Variants in SLC35E2B observed in about 807,000 individuals in gnomAD.
The protein encoded by SLC35E2B is solute carrier family 35, member E2B.
A neutral mutation model predicts 32.4 loss-of-function variants in SLC35E2B; 18 were observed. The ratio of observed to expected loss-of-function variants is 0.56; its 90% CI spans 0.38 to 0.82. SLC35E2B has a LOEUF of 0.82. Ranked by LOEUF, SLC35E2B falls within the 40% of genes least tolerant of loss-of-function variation. The pLI is 0.00. For missense variants in SLC35E2B, 263 were observed against 469.5 expected (o/e 0.56, Z 4.06); for synonymous variants, 132 against 209.1 (o/e 0.63, Z 3.18).
At chr1:1,679,404 G>GTGCT (rs149882473) in intron 2 of SLC35E2B, among the ~76,000 whole-genome samples, 3,051 of 152,148 alleles carry the variant, frequency 0.02, 93 homozygotes, top group African/African-American at 0.069. Context: ...TGCTGACACT[G>GTGCT]TGCTCCAAGA....
rs1391173676 is a variant in SLC35E2B at position 1,665,014 on chromosome 1, C to T, written c.*768G>A. The T allele has an allele frequency of 9.2e-6, 9 of 977,678 alleles. No homozygotes were observed. Among genetic ancestry groups the T allele is most frequent in the Non-Finnish European group, 1.1e-5 (9 of 822,996 alleles). 60.6% of individuals were successfully genotyped at this position (977,678 alleles called of 1,614,324 possible). On this transcript the variant is annotated 3_prime_UTR_variant, in exon 10 of 10. Transcript: ENST00000617444. ...TTGTCCTCAACCTCAGGGCTGGAAA[C>T]CCCCACAGGTAGGAGGGCAGGGTGC...
chr1:1,686,784 C>T (rs1049297304), intron 2 of SLC35E2B, among the ~76,000 whole-genome samples: 30 of 151,136 alleles, frequency 2.0e-4, no homozygotes, highest in African/African-American at 6.8e-4. Context: ...AGGCCAGGCA[C>T]GGAGGCTCAC....
At position 1,663,392 on chromosome 1, in the gene SLC35E2B, G is replaced by A. The variant is rs1363185281; in HGVS notation, c.*2390C>T. ...CCGGCAGCCACATTCTCGACGGGGA[G>A]GTGGACAAGGCCACCCTGGGAGTTG... On this transcript the variant is annotated 3_prime_UTR_variant, in exon 10 of 10. Transcript: ENST00000617444. 4 of 874,944 alleles carry A rather than the reference G, an allele frequency of 4.6e-6. No homozygotes were observed. The highest frequency in any genetic ancestry group is 2.0e-5 in the African/African-American group (1 of 49,822). The allele number at this position is 874,944 out of a possible 1,614,324, so 54.2% of individuals were successfully genotyped here.
chr1:1,688,069 G>C (rs1032380436), intron 2 of SLC35E2B, among the ~76,000 whole-genome samples: 13 of 152,116 alleles, frequency 8.5e-5, no homozygotes, highest in Non-Finnish European at 1.9e-4. Context: ...GGTTGGCCGA[G>C]GGAGGGCGCA....
At position 1,664,019 on chromosome 1, in the gene SLC35E2B, C is replaced by G. The variant is rs1200024779; in HGVS notation, c.*1763G>C. 4.6e-6 allele frequency: 1 copy of G among 217,738 alleles called. No individual in the cohort carries two copies. The allele number at this position is 217,738 out of a possible 1,614,324, so 13.5% of individuals were successfully genotyped here. A position where few individuals can be genotyped will look rare whatever the true frequency, so the allele number is the denominator to read the frequency against. ...CAGCCTGGGCAACAAAGCGAGAGCC[C>G]AGCTCAACAAAAAAATAGCCAGGCA... On this transcript the variant is annotated 3_prime_UTR_variant, in exon 10 of 10. Transcript: ENST00000617444.
At chr1:1,688,825 G>C (rs1461194614) in intron 2 of SLC35E2B, among the ~76,000 whole-genome samples, 1 of 152,092 alleles carries the variant, frequency 6.6e-6, no homozygotes, top group African/African-American at 2.4e-5. Context: ...AGGACTTCTA[G>C]TTCAGTCTGA....
chr1:1,689,698 C>T (rs1044107277), intron 2 of SLC35E2B, among the ~76,000 whole-genome samples: 5 of 151,444 alleles, frequency 3.3e-5, no homozygotes, highest in Non-Finnish European at 5.9e-5. Flanking sequence ...AAGTACACCA[C>T]AAAGTGGGCC....
In SLC35E2B at chr1:1,662,199, AAAGT is replaced by A. The variant is rs1643417298; in HGVS notation, c.*3579_*3582del. 1.0e-6 allele frequency: 1 copy of A among 985,082 alleles called. No individual in the cohort carries two copies. The allele number at this position is 985,082 out of a possible 1,614,324, so 61.0% of individuals were successfully genotyped here. A position where few individuals can be genotyped will look rare whatever the true frequency, so the allele number is the denominator to read the frequency against. The stretch of plus-strand genomic sequence containing the variant: ...GGAAGCTCGGATGCTCTCATTCTAT[AAAGT>A]AAGGCCCCCAGCAGGGCACGTACAT... On this transcript the variant is annotated 3_prime_UTR_variant, in exon 10 of 10. Transcript: ENST00000617444.
At chr1:1,667,718 C>G (rs969533359) in intron 9 of SLC35E2B, among the ~76,000 whole-genome samples, 2 of 152,148 alleles carry the variant, frequency 1.3e-5, no homozygotes, top group East Asian at 3.8e-4. Context: ...CAAGACTAGT[C>G]GCAACGCCCG....
intron 2 of SLC35E2B, among the ~76,000 whole-genome samples, chr1:1,681,693 G>A (rs1178875998): frequency 6.7e-6 from 1 of 149,334 alleles, no homozygotes; most frequent in Non-Finnish European, 1.5e-5. Flanking sequence ...TTTTAGAAGA[G>A]ATAGGATTTA....
intron 2 of SLC35E2B, among the ~76,000 whole-genome samples, chr1:1,686,331 T>C (rs1431399017): frequency 4.0e-5 from 6 of 150,618 alleles, no homozygotes; most frequent in African/African-American, 9.7e-5. Flanking sequence ...CTTTTTTTTT[T>C]TTTTTTTTGC....
chr1:1,678,853 TG>T (rs1399029460), intron 2 of SLC35E2B, among the ~76,000 whole-genome samples: 1 of 152,194 alleles, frequency 6.6e-6, no homozygotes, highest in Non-Finnish European at 1.5e-5. Flanking sequence ...TAGGAGACTT[TG>T]TGCCAGTTTC....
At chr1:1,689,553 A>G (rs1643995191) in intron 2 of SLC35E2B, among the ~76,000 whole-genome samples, 1 of 151,538 alleles carries the variant, frequency 6.6e-6, no homozygotes, top group Non-Finnish European at 1.5e-5. Context: ...TATGCTCAGG[A>G]AAATATAAGA....
At position 1,665,521 on chromosome 1, in the gene SLC35E2B, A is replaced by G; in HGVS notation, c.*261T>C. The G allele has an allele frequency of 1.7e-6, 1 of 586,038 alleles. No homozygotes were observed. The highest frequency in any genetic ancestry group is 3.0e-6 in the Non-Finnish European group (1 of 338,812). The allele number at this position is 586,038 out of a possible 1,614,324, so 36.3% of individuals were successfully genotyped here. On this transcript the variant is annotated 3_prime_UTR_variant, in exon 10 of 10. Coordinates refer to ENST00000617444, the MANE Select transcript of SLC35E2B (RefSeq NM_001290264.2). ...GGCACCCCCAGCATGGGAGCCTCAG[A>G]GGCTGTTTTCACATTACACGGGGAT... is the stretch of plus-strand genomic sequence containing the variant.
rs1242682437 is a variant in SLC35E2B at position 1,671,508 on chromosome 1, C to T, written c.707+1G>A. On this transcript the variant is annotated splice_donor_variant, in intron 6 of 9. Coordinates refer to ENST00000617444, the MANE Select transcript of SLC35E2B (RefSeq NM_001290264.2). LOFTEE classifies it high-confidence loss of function. The stretch of plus-strand genomic sequence containing the variant: ...TCACGCCCACCTTCTCTGTGACTCA[C>T]CAGTCCATGATGTTGGTGGACAGTG... 6.6e-7 allele frequency: 1 copy of T among 1,523,524 alleles called. No homozygotes were observed. The highest frequency in any genetic ancestry group is 1.4e-5 in the African/African-American group (1 of 71,836). 94.4% of individuals were successfully genotyped at this position (1,523,524 alleles called of 1,614,324 possible).
At chr1:1,684,725 G>A (rs567528305) in intron 2 of SLC35E2B, among the ~76,000 whole-genome samples, 2 of 145,208 alleles carry the variant, frequency 1.4e-5, no homozygotes, top group Non-Finnish European at 3.0e-5. Context: ...GGGAGACAGA[G>A]CTTGCAGTGA....
intron 6 of SLC35E2B, chr1:1,670,621 CCA>C (rs1643663786): frequency 6.5e-6 from 1 of 154,742 alleles, no homozygotes; most frequent in Admixed American, 6.5e-5. Context: ...CGGGGTTTCA[CCA>C]TGTTAGCCAG....
At chr1:1,671,676 G>C in intron 5 of SLC35E2B, 47 bp from the exon 6 acceptor site, 9 of 1,454,208 alleles carry the variant, frequency 6.2e-6, no homozygotes, top group Non-Finnish European at 7.3e-6. Context: ...CCGGGCGGAC[G>C]CTCCCTCCCG....
chr1:1,668,510 T>C (rs775235667), intron 8 of SLC35E2B, 38 bp from the exon 9 acceptor site: 7 of 1,613,820 alleles, frequency 4.3e-6, no homozygotes, highest in Non-Finnish European at 4.2e-6. Flanking sequence ...TCGGTTTCCA[T>C]TTTCCATTTA....
Sources: gnomAD v4.1 joint callset for allele counts (sites outside exome capture counted in the v4.1 genomes callset) on GRCh38, gnomAD v4.1.1 for gene constraint, MANE v1.5 for transcripts, NCBI Gene and HGNC (gene_info 2026-07-23, HGNC 2026-07-21) for gene names.